RAB7A: variants seen among roughly 807,000 people sequenced by gnomAD.
RAB7A encodes ras-related protein Rab-7a.
In RAB7A, 2 loss-of-function variants were observed where a neutral mutation model predicts 24.5. The observed-to-expected ratio is 0.08, with a 90% CI of 0.03 to 0.26. RAB7A has a LOEUF of 0.26. RAB7A is among the 10% of genes least tolerant of loss of function. RAB7A has a pLI of 1.00. For synonymous variants in RAB7A, 100 were observed against 95.9 expected, an observed-to-expected ratio of 1.04 and a Z score of -0.25; for missense variants, 118 against 255.7, an observed-to-expected ratio of 0.46 and a Z score of 3.67.
chr3:128,807,080 C>T (rs1037788519), intron 4 of RAB7A, among the ~76,000 whole-genome samples: 3 of 152,162 alleles, frequency 2.0e-5, no homozygotes, highest in Non-Finnish European at 4.4e-5. Flanking sequence ...TATCTCTTGG[C>T]TGAAAATGGG....
intron 1 of RAB7A, among the ~76,000 whole-genome samples, chr3:128,730,615 AAAC>A (rs777373375): frequency 1.3e-5 from 2 of 152,350 alleles, no homozygotes; most frequent in Non-Finnish European, 2.9e-5. Context: ...AGTGAAATCA[AAAC>A]AAGTTTTTTA....
At chr3:128,729,342 A>G (rs950790274) in intron 1 of RAB7A, among the ~76,000 whole-genome samples, 11 of 152,126 alleles carry the variant, frequency 7.2e-5, no homozygotes, top group Admixed American at 6.6e-4. Flanking sequence ...AGGCCGAGGC[A>G]GGTGGATCAT....
At chr3:128,756,897 G>A (rs2070734007) in intron 1 of RAB7A, among the ~76,000 whole-genome samples, 1 of 150,092 alleles carries the variant, frequency 6.7e-6, no homozygotes, top group African/African-American at 2.5e-5. Context: ...ACGCTGGAGT[G>A]CAGTGGCATG....
At chr3:128,795,750 G>GTTTTTTTT (rs1491091651) in intron 2 of RAB7A, among the ~76,000 whole-genome samples, 1 of 6,876 alleles carries the variant, frequency 1.5e-4, no homozygotes, top group Non-Finnish European at 4.1e-4. Context: ...TAGCAGATGT[G>GTTTTTTTT]CTTTTTTTTT....
chr3:128,730,298 C>T (rs1171375468), intron 1 of RAB7A, among the ~76,000 whole-genome samples: 3 of 151,632 alleles, frequency 2.0e-5, no homozygotes, highest in East Asian at 1.9e-4. Context: ...GGTGCCATCT[C>T]AGCTCACTGC....
intron 1 of RAB7A, among the ~76,000 whole-genome samples, chr3:128,757,935 A>G (rs776854140): frequency 2.0e-5 from 3 of 151,782 alleles, no homozygotes; most frequent in Non-Finnish European, 4.4e-5. Flanking sequence ...CTGGAGTTAC[A>G]CTTGTGAGCC....
At chr3:128,739,104 T>C (rs1375980635) in intron 1 of RAB7A, among the ~76,000 whole-genome samples, 1 of 152,224 alleles carries the variant, frequency 6.6e-6, no homozygotes, top group African/African-American at 2.4e-5. Flanking sequence ...CTGTTAGCCA[T>C]TGAGTATATG....
intron 1 of RAB7A, among the ~76,000 whole-genome samples, chr3:128,767,418 G>A (rs1055008294): frequency 6.6e-6 from 1 of 152,210 alleles, no homozygotes; most frequent in African/African-American, 2.4e-5. Flanking sequence ...GCTTTCAGTA[G>A]CTGCTCCTGT....
intron 3 of RAB7A, among the ~76,000 whole-genome samples, chr3:128,803,931 G>A (rs967242547): frequency 1.3e-5 from 2 of 152,124 alleles, no homozygotes; most frequent in African/African-American, 4.8e-5. Context: ...TTTAAATGGA[G>A]AAAACAAAAC....
intron 1 of RAB7A, among the ~76,000 whole-genome samples, chr3:128,770,218 G>A (rs545840672): frequency 3.9e-5 from 6 of 152,236 alleles, no homozygotes; most frequent in Non-Finnish European, 8.8e-5. Context: ...GGCCAGGCTG[G>A]TTTCGAACTC....
intron 4 of RAB7A, among the ~76,000 whole-genome samples, chr3:128,807,127 C>T (rs1203894574): frequency 5.9e-5 from 9 of 152,154 alleles, no homozygotes; most frequent in Non-Finnish European, 1.3e-4. Context: ...GTGTGAGTGG[C>T]ATAGGTGACA....
At chr3:128,797,652 T>G (rs1933604992) in intron 2 of RAB7A, among the ~76,000 whole-genome samples, 1 of 152,248 alleles carries the variant, frequency 6.6e-6, no homozygotes, top group Non-Finnish European at 1.5e-5. Flanking sequence ...GCTGGCATCC[T>G]TCTAGAATGG....
intron 1 of RAB7A, among the ~76,000 whole-genome samples, chr3:128,780,451 A>T (rs143386247): frequency 0.012 from 1,815 of 152,278 alleles, 33 homozygotes; most frequent in African/African-American, 0.039. Context: ...TTCCAGTTTA[A>T]CACTTACAAA....
At chr3:128,799,815 A>C (rs1445929208) in intron 3 of RAB7A, among the ~76,000 whole-genome samples, 1 of 152,230 alleles carries the variant, frequency 6.6e-6, no homozygotes, top group African/African-American at 2.4e-5. Context: ...AGGATTTAAC[A>C]TAAATCCCTG....
At chr3:128,765,643 C>T (rs1489210047) in intron 1 of RAB7A, among the ~76,000 whole-genome samples, 1 of 152,188 alleles carries the variant, frequency 6.6e-6, no homozygotes, top group Non-Finnish European at 1.5e-5. Flanking sequence ...TGTGTCCTCA[C>T]ATGGTGGAAG....
At chr3:128,792,527 C>T (rs1328510221) in intron 1 of RAB7A, among the ~76,000 whole-genome samples, 1 of 152,034 alleles carries the variant, frequency 6.6e-6, no homozygotes, top group African/African-American at 2.4e-5. Flanking sequence ...CTGCCTCCGC[C>T]TCCCGAGTAG....
intron 1 of RAB7A, among the ~76,000 whole-genome samples, chr3:128,737,914 G>A (rs1404820607): frequency 3.7e-5 from 5 of 134,824 alleles, no homozygotes; most frequent in Non-Finnish European, 7.7e-5. Context: ...GGCCTCAAGT[G>A]ATCCTCCTAT....
chr3:128,796,558 T>G (rs1171460092), intron 2 of RAB7A, among the ~76,000 whole-genome samples: 4 of 152,196 alleles, frequency 2.6e-5, no homozygotes, highest in Non-Finnish European at 5.9e-5. Context: ...ATAACAACAA[T>G]AGCAAATGCA....
chr3:128,796,043 G>A (rs1033061273), intron 2 of RAB7A, among the ~76,000 whole-genome samples: 3 of 151,962 alleles, frequency 2.0e-5, no homozygotes, highest in Non-Finnish European at 4.4e-5. Context: ...GAGCCACCGC[G>A]CCCGACCCAG....
Sources: allele counts gnomAD v4.1 joint callset (sites outside exome capture counted in the v4.1 genomes callset), GRCh38; gene constraint gnomAD v4.1.1; transcripts MANE v1.5; gene names NCBI Gene and HGNC (gene_info 2026-07-23, HGNC 2026-07-21).